The following SATL1 variants were observed in gnomAD, a reference collection of about 807,000 sequenced individuals.
The protein encoded by SATL1 is spermidine/spermine N(1)-acetyltransferase-like protein 1.
Under a neutral mutation model 51.8 loss-of-function variants are expected in SATL1, and 47 were observed. That is an observed-to-expected ratio of 0.91 (90% CI 0.72 to 1.16). The LOEUF is 1.16. SATL1 is among the 50% of genes most tolerant of loss of function. The probability of loss-of-function intolerance (pLI) is 0.00; values close to 1 mark genes in which losing one functional copy is unlikely to be tolerated. For synonymous variants in SATL1, 176 were observed against 182.4 expected, an observed-to-expected ratio of 0.97 and a Z score of 0.28; for missense variants, 520 against 526.4, an observed-to-expected ratio of 0.99 and a Z score of 0.12.
intron 2 of SATL1, among the ~76,000 whole-genome samples, chrX:85,144,182 G>A (rs930709688): frequency 1.8e-5 from 2 of 111,802 alleles, no homozygotes; most frequent in Non-Finnish European, 3.8e-5. Context: ...TTTTGGCCCA[G>A]TGAAGTTGTT....
chrX:85,152,542 C>T (rs1390210270), intron 2 of SATL1, among the ~76,000 whole-genome samples: 1 of 111,231 alleles, frequency 9.0e-6, no homozygotes, highest in Non-Finnish European at 1.9e-5. Flanking sequence ...GCACTATTCA[C>T]AATAGCAAAG....
chrX:85,179,413 T>C (rs1343236585), intron 2 of SATL1, among the ~76,000 whole-genome samples: 1 of 111,951 alleles, frequency 8.9e-6, no homozygotes, highest in African/African-American at 3.2e-5. Context: ...GGTTAGAGTG[T>C]ACTAAGCTCC....
At chrX:85,099,276 A>G (rs1249996930) in intron 4 of SATL1, among the ~76,000 whole-genome samples, 1 of 111,560 alleles carries the variant, frequency 9.0e-6, no homozygotes, top group Non-Finnish European at 1.9e-5. Context: ...CTCCCAACAA[A>G]AAAAAGGAAG....
intron 2 of SATL1, among the ~76,000 whole-genome samples, chrX:85,204,716 C>T (rs1213561657): frequency 9.0e-6 from 1 of 111,492 alleles, no homozygotes. Flanking sequence ...CTCACTTATC[C>T]CCTGTGAATA....
intron 1 of SATL1, among the ~76,000 whole-genome samples, chrX:85,235,002 A>G (rs1928451305): frequency 9.0e-6 from 1 of 111,456 alleles, no homozygotes; most frequent in Non-Finnish European, 1.9e-5. Flanking sequence ...AGACACACAT[A>G]GACTGAAAAT....
In SATL1 at chrX:85,096,870, A is replaced by C. The variant is rs1166440557; in HGVS notation, c.1694-1874T>G. On this transcript the variant is annotated intron_variant, in intron 4 of 7. Transcript: ENST00000644105. ...CCCCACCCCAGCCCCCTCAAAAAAA[A>C]AAAAGAAAGAAACTGAAGGAATTCA... Among the ~76,000 whole-genome samples, 3 of 68,711 alleles carry C rather than the reference A, an allele frequency of 4.4e-5. No individual in the cohort carries two copies. In the East Asian group the frequency reaches 1.5e-3, roughly 33 times the overall value. The allele number at this position is 68,711 out of a possible 115,157, so 59.7% of individuals were successfully genotyped here. A position where few individuals can be genotyped will look rare whatever the true frequency, so the allele number is the denominator to read the frequency against.
intron 2 of SATL1, among the ~76,000 whole-genome samples, chrX:85,208,439 C>A (rs372885566): frequency 9.0e-6 from 1 of 111,454 alleles, no homozygotes; most frequent in African/African-American, 3.3e-5. Context: ...CCGGGCCAAA[C>A]GGTAATTCTA....
At chrX:85,191,379 T>G (rs2147745003) in intron 2 of SATL1, among the ~76,000 whole-genome samples, 1 of 111,564 alleles carries the variant, frequency 9.0e-6, no homozygotes. Context: ...TCATTTCTTT[T>G]TTTTCCTTGT....
At chrX:85,237,261 C>T (rs1482799508) in intron 1 of SATL1, among the ~76,000 whole-genome samples, 1 of 111,019 alleles carries the variant, frequency 9.0e-6, no homozygotes, top group Non-Finnish European at 1.9e-5. Flanking sequence ...GCAAAAAGAA[C>T]AAAACTGGAG....
At chrX:85,095,800 T>G (rs1342470433) in intron 4 of SATL1, among the ~76,000 whole-genome samples, 1 of 75,688 alleles carries the variant, frequency 1.3e-5, no homozygotes, top group East Asian at 4.6e-4. Context: ...CACTCCAGCC[T>G]GGGCGACAGA....
chrX:85,126,419 G>T (rs924650779), intron 2 of SATL1, among the ~76,000 whole-genome samples: 1 of 110,936 alleles, frequency 9.0e-6, no homozygotes, highest in Non-Finnish European at 1.9e-5. Context: ...CTATAATATT[G>T]GTGAGGAACC....
In SATL1 at chrX:85,107,734, C is replaced by T. The variant is rs1394093685; in HGVS notation, c.1235G>A (p.Ser412Asn). 8.3e-7 allele frequency: 1 copy of T among 1,208,881 alleles called. No homozygotes were observed. Among genetic ancestry groups the T allele is most frequent in the African/African-American group, 1.8e-5 (1 of 56,864 alleles). Residue 412 changes from serine to asparagine, a missense_variant, in exon 3 of 8, where the codon AGC becomes AAC. Coordinates refer to ENST00000644105, the MANE Select transcript of SATL1 (RefSeq NM_001367857.2). Reference sequence around the variant, plus strand: ...GCCTGTTTGCCATGTGCCTGGTTGGCTCATGCCTATTTGGCTTGTGCCTGA... The same window carrying T: ...GCCTGTTTGCCATGTGCCTGGTTGGTTCATGCCTATTTGGCTTGTGCCTGA... ...SQSGTSQIGM[S>N]QPGTWQTGLS...
chrX:85,175,839 A>G, intron 2 of SATL1, among the ~76,000 whole-genome samples: 1 of 110,785 alleles, frequency 9.0e-6, no homozygotes, highest in East Asian at 2.9e-4. Context: ...AGGAATAAAT[A>G]CTTCAATCTT....
chrX:85,169,352 A>C (rs960873804), intron 2 of SATL1, among the ~76,000 whole-genome samples: 15 of 111,831 alleles, frequency 1.3e-4, no homozygotes, highest in Non-Finnish European at 1.3e-4. Flanking sequence ...GAATGGGTAA[A>C]AATATTTGTA....
At chrX:85,233,084 C>T (rs752550053) in intron 1 of SATL1, among the ~76,000 whole-genome samples, 1 of 112,015 alleles carries the variant, frequency 8.9e-6, no homozygotes, top group East Asian at 2.8e-4. Context: ...CAGCTCCAGG[C>T]AGCTCAGCAC....
At chrX:85,230,698 C>T (rs1928362977) in intron 1 of SATL1, among the ~76,000 whole-genome samples, 1 of 112,061 alleles carries the variant, frequency 8.9e-6, no homozygotes, top group South Asian at 3.7e-4. Flanking sequence ...ATAACAAACT[C>T]TTACAAATAA....
intron 2 of SATL1, among the ~76,000 whole-genome samples, chrX:85,190,807 G>T (rs1176645974): frequency 9.0e-6 from 1 of 110,527 alleles, no homozygotes; most frequent in Non-Finnish European, 1.9e-5. Flanking sequence ...ATGAGTTCAT[G>T]TCCTTTGCAG....
At chrX:85,121,230 A>G (rs1925496854) in intron 2 of SATL1, among the ~76,000 whole-genome samples, 1 of 107,713 alleles carries the variant, frequency 9.3e-6, no homozygotes. Context: ...GGATTGTTAT[A>G]TGATTTATTT....
intron 3 of SATL1, among the ~76,000 whole-genome samples, chrX:85,104,851 A>T (rs970653581): frequency 9.0e-6 from 1 of 111,692 alleles, no homozygotes; most frequent in Non-Finnish European, 1.9e-5. Context: ...AAAAGTCTGT[A>T]CATGTTCAGT....
Sources: gnomAD v4.1 joint callset for allele counts (sites outside exome capture counted in the v4.1 genomes callset) on GRCh38, gnomAD v4.1.1 for gene constraint, MANE v1.5 for transcripts, NCBI Gene and HGNC (gene_info 2026-07-23, HGNC 2026-07-21) for gene names.